Variants in BCHE observed in about 807,000 individuals in gnomAD.
BCHE encodes the protein cholinesterase.
A neutral mutation model predicts 51.3 loss-of-function variants in BCHE; 48 were observed. The observed-to-expected ratio is 0.94, with a 90% CI of 0.74 to 1.19. BCHE has a LOEUF of 1.19. Ranked by LOEUF, BCHE falls within the 50% of genes most tolerant of loss-of-function variation. BCHE has a pLI of 0.00. For synonymous variants in BCHE, 251 were observed against 238.0 expected (o/e 1.05, Z -0.50); for missense variants, 847 against 708.2 (o/e 1.20, Z -2.23).
intron 2 of BCHE, among the ~76,000 whole-genome samples, chr3:165,797,816 G>T (rs1382395895): frequency 6.6e-6 from 1 of 152,116 alleles, no homozygotes; most frequent in Non-Finnish European, 1.5e-5. Flanking sequence ...TGGAAACTTA[G>T]TTTTGTAGTA....
At chr3:165,811,433 A>AGT (rs5854158) in intron 2 of BCHE, among the ~76,000 whole-genome samples, 143,234 of 151,422 alleles carry the variant, frequency 0.95, 67,815 homozygotes, top group Non-Finnish European at 0.97. Flanking sequence ...GAGCAGTGTA[A>AGT]GTGTGTGTGT....
chr3:165,810,062 GCTTA>G (rs1714034116), intron 2 of BCHE, among the ~76,000 whole-genome samples: 1 of 152,084 alleles, frequency 6.6e-6, no homozygotes, highest in African/African-American at 2.4e-5. Flanking sequence ...TCTTAGTCAT[GCTTA>G]CTAAGTGACA....
At chr3:165,804,087 T>G (rs899103310) in intron 2 of BCHE, among the ~76,000 whole-genome samples, 1 of 151,576 alleles carries the variant, frequency 6.6e-6, no homozygotes, top group Non-Finnish European at 1.5e-5. Context: ...ATTTCTGGGT[T>G]TCCATGACTC....
At chr3:165,836,960 T>C (rs1715211995) in intron 1 of BCHE, among the ~76,000 whole-genome samples, 1 of 152,142 alleles carries the variant, frequency 6.6e-6, no homozygotes, top group African/African-American at 2.4e-5. Context: ...AGAGATTCAA[T>C]AAACAATGCA....
At chr3:165,795,416 A>T (rs146720970) in intron 2 of BCHE, among the ~76,000 whole-genome samples, 1 of 152,166 alleles carries the variant, frequency 6.6e-6, no homozygotes, top group Admixed American at 6.5e-5. Context: ...TTTCTGGAAG[A>T]TGTAATAAAG....
intron 3 of BCHE, among the ~76,000 whole-genome samples, chr3:165,775,248 A>G (rs1712419007): frequency 6.6e-6 from 1 of 152,006 alleles, no homozygotes; most frequent in Non-Finnish European, 1.5e-5. Flanking sequence ...AATTTAGGAT[A>G]TATTTAGGTT....
intron 3 of BCHE, among the ~76,000 whole-genome samples, chr3:165,785,583 G>A (rs768294426): frequency 2.6e-5 from 4 of 151,484 alleles, no homozygotes; most frequent in Non-Finnish European, 5.9e-5. Context: ...TTTATAATAT[G>A]TAATATTATA....
At chr3:165,814,010 CGTAA>C (rs376865647) in intron 2 of BCHE, among the ~76,000 whole-genome samples, 55 of 151,964 alleles carry the variant, frequency 3.6e-4, no homozygotes, top group East Asian at 1.7e-3. Context: ...AGTAATTTTT[CGTAA>C]GTGTTAGGTT....
chr3:165,815,383 T>C (rs1438777349), intron 2 of BCHE, among the ~76,000 whole-genome samples: 1 of 151,990 alleles, frequency 6.6e-6, no homozygotes, highest in Admixed American at 6.6e-5. Context: ...CACCACAAAG[T>C]TCAATTTGGA....
intron 1 of BCHE, among the ~76,000 whole-genome samples, chr3:165,834,684 G>A (rs373893829): frequency 1.0e-3 from 159 of 151,802 alleles, no homozygotes; most frequent in Admixed American, 1.9e-3. Context: ...TTGAGCAATC[G>A]AAAGAGAAAT....
intron 2 of BCHE, among the ~76,000 whole-genome samples, chr3:165,798,094 T>A (rs1007433701): frequency 1.3e-5 from 2 of 152,190 alleles, no homozygotes; most frequent in Non-Finnish European, 2.9e-5. Flanking sequence ...TTTTTTTGAC[T>A]CTTGTAGACT....
chr3:165,793,848 C>G (rs561709040), intron 2 of BCHE, among the ~76,000 whole-genome samples: 2 of 152,012 alleles, frequency 1.3e-5, no homozygotes, highest in Non-Finnish European at 2.9e-5. Context: ...GAGTTTGAGA[C>G]CAGCCTTACC....
intron 2 of BCHE, among the ~76,000 whole-genome samples, chr3:165,812,404 C>T (rs1714136671): frequency 6.6e-6 from 1 of 151,288 alleles, no homozygotes; most frequent in South Asian, 2.1e-4. Context: ...ATTATCTATT[C>T]TTATTGGCAT....
intron 2 of BCHE, among the ~76,000 whole-genome samples, chr3:165,791,471 A>G (rs531156822): frequency 6.6e-6 from 1 of 152,318 alleles, no homozygotes; most frequent in Non-Finnish European, 1.5e-5. Context: ...AGAAATTGAA[A>G]TAATTAGTCA....
chr3:165,781,421 T>A (rs1020993932), intron 3 of BCHE, among the ~76,000 whole-genome samples: 1 of 152,166 alleles, frequency 6.6e-6, no homozygotes, highest in Non-Finnish European at 1.5e-5. Flanking sequence ...TATGAGATAA[T>A]GTCCTTTGCA....
At chr3:165,827,951 T>C (rs1031817203) in intron 2 of BCHE, 1 of 430,438 alleles carries the variant, frequency 2.3e-6, no homozygotes, top group African/African-American at 2.1e-5. Context: ...TCTCATTCAA[T>C]CATTAGCCAA....
chr3:165,827,885 C>A (rs1285903752), intron 2 of BCHE: 3 of 331,478 alleles, frequency 9.1e-6, no homozygotes, highest in Non-Finnish European at 1.2e-5. Flanking sequence ...ATATAATAAC[C>A]CACATATCTT....
chr3:165,823,300 A>T (rs1049592582), intron 2 of BCHE, among the ~76,000 whole-genome samples: 1 of 152,134 alleles, frequency 6.6e-6, no homozygotes, highest in Non-Finnish European at 1.5e-5. Context: ...AATGAGTTTT[A>T]TATAACTGAA....
chr3:165,774,023 G>A (rs1296313662), intron 3 of BCHE, among the ~76,000 whole-genome samples: 1 of 151,932 alleles, frequency 6.6e-6, no homozygotes, highest in Non-Finnish European at 1.5e-5. Context: ...AGTCCCTAAT[G>A]TAAAATAGCA....
Sources: allele counts gnomAD v4.1 joint callset (sites outside exome capture counted in the v4.1 genomes callset), GRCh38; gene constraint gnomAD v4.1.1; transcripts MANE v1.5; gene names NCBI Gene and HGNC (gene_info 2026-07-23, HGNC 2026-07-21).